KCNMB2: variants seen among roughly 807,000 people sequenced by gnomAD.
KCNMB2 encodes the protein potassium calcium-activated channel subfamily M regulatory beta subunit 2, also known as calcium-activated potassium channel subunit beta-2.
KCNMB2 carries 9 observed loss-of-function variants against 24.5 expected under a neutral mutation model. That is an observed-to-expected ratio of 0.37 (90% confidence interval 0.22 to 0.64). The LOEUF (loss-of-function observed/expected upper bound fraction) is 0.64. Ranked by LOEUF, KCNMB2 falls within the 30% of genes least tolerant of loss-of-function variation. The pLI is 0.63. For synonymous variants in KCNMB2, 109 were observed against 104.4 expected (o/e 1.04, Z -0.27); for missense variants, 226 against 284.3 (o/e 0.79, Z 1.47).
intron 1 of KCNMB2, among the ~76,000 whole-genome samples, chr3:178,681,097 G>GA (rs1442746904): frequency 6.6e-6 from 1 of 152,122 alleles, no homozygotes; most frequent in Non-Finnish European, 1.5e-5. Context: ...TAAAATCACT[G>GA]AAAAATTTTA....
rs549910394 is a variant in KCNMB2 at position 178,752,221 on chromosome 3, G to A, written c.-67-55122G>A. 5.9e-5 allele frequency among the ~76,000 whole-genome samples: 9 copies of A among 152,306 alleles called. No homozygotes were observed. The East Asian group carries it at 1.5e-3, about 26-fold the overall frequency. On this transcript the variant is annotated intron_variant, in intron 1 of 4. Transcript: ENST00000452583. ...CATAATATAAAACAAATAAGTGTCAGAAGAGAACTATAAACATAGAATTGT... is the reference window on the plus strand; with the variant it reads ...CATAATATAAAACAAATAAGTGTCAAAAGAGAACTATAAACATAGAATTGT...
At chr3:178,636,688 T>G (rs1309199531) in intron 1 of KCNMB2, among the ~76,000 whole-genome samples, 1 of 152,228 alleles carries the variant, frequency 6.6e-6, no homozygotes, top group East Asian at 1.9e-4. Flanking sequence ...TGGGACCTCT[T>G]TCCAAGAATC....
chr3:178,675,459 G>A (rs1375318329), intron 1 of KCNMB2, among the ~76,000 whole-genome samples: 2 of 152,146 alleles, frequency 1.3e-5, no homozygotes, highest in African/African-American at 2.4e-5. Flanking sequence ...CTGGATTTCT[G>A]TTAGTGTCAG....
intron 1 of KCNMB2, among the ~76,000 whole-genome samples, chr3:178,596,486 T>C (rs1031949038): frequency 9.2e-5 from 14 of 152,048 alleles, no homozygotes; most frequent in African/African-American, 3.4e-4. Context: ...AACATATAAA[T>C]CCAAAGTCTA....
At chr3:178,553,811 A>C (rs1406725882) in intron 1 of KCNMB2, among the ~76,000 whole-genome samples, 2 of 152,236 alleles carry the variant, frequency 1.3e-5, no homozygotes, top group East Asian at 3.9e-4. Flanking sequence ...AAGTGCTGGG[A>C]TTACAGGTTT....
intron 1 of KCNMB2, among the ~76,000 whole-genome samples, chr3:178,566,119 A>G (rs1185923264): frequency 6.6e-6 from 1 of 152,136 alleles, no homozygotes; most frequent in Non-Finnish European, 1.5e-5. Context: ...TCTTACATGC[A>G]TTTCTCCTAA....
At chr3:178,656,864 T>G (rs1297322141) in intron 1 of KCNMB2, among the ~76,000 whole-genome samples, 1 of 152,118 alleles carries the variant, frequency 6.6e-6, no homozygotes, top group Non-Finnish European at 1.5e-5. Flanking sequence ...TTACCACGAT[T>G]AAAACATGTG....
At chr3:178,779,338 G>A (rs1332809365) in intron 1 of KCNMB2, among the ~76,000 whole-genome samples, 1 of 152,158 alleles carries the variant, frequency 6.6e-6, no homozygotes, top group Non-Finnish European at 1.5e-5. Flanking sequence ...TTGAAGTAAG[G>A]CACTGCAAAA....
At chr3:178,780,078 A>G (rs1452531362) in intron 1 of KCNMB2, among the ~76,000 whole-genome samples, 1 of 147,430 alleles carries the variant, frequency 6.8e-6, no homozygotes, top group Non-Finnish European at 1.5e-5. Context: ...AAAAAGCACT[A>G]TGAAATTATG....
intron 1 of KCNMB2, among the ~76,000 whole-genome samples, chr3:178,714,655 CTT>C (rs1722561130): frequency 6.6e-6 from 1 of 152,190 alleles, no homozygotes; most frequent in East Asian, 1.9e-4. Context: ...TGAGAAGACT[CTT>C]TTGGGTCAAA....
intron 1 of KCNMB2, among the ~76,000 whole-genome samples, chr3:178,711,109 G>T (rs1444175625): frequency 1.3e-5 from 2 of 152,076 alleles, no homozygotes; most frequent in Non-Finnish European, 2.9e-5. Flanking sequence ...AATCACCTGA[G>T]GTAGATATTA....
At chr3:178,646,682 C>G (rs1464204572) in intron 1 of KCNMB2, among the ~76,000 whole-genome samples, 1 of 152,206 alleles carries the variant, frequency 6.6e-6, no homozygotes, top group Non-Finnish European at 1.5e-5. Flanking sequence ...GAAGCATTCT[C>G]TGGCATCAAT....
intron 1 of KCNMB2, among the ~76,000 whole-genome samples, chr3:178,617,572 A>G (rs1381424617): frequency 2.0e-5 from 3 of 150,772 alleles, no homozygotes; most frequent in Non-Finnish European, 4.4e-5. Flanking sequence ...ACAAAGGTGA[A>G]AGTATCAAAA....
At chr3:178,790,418 G>T (rs1035570255) in intron 1 of KCNMB2, among the ~76,000 whole-genome samples, 2 of 152,094 alleles carry the variant, frequency 1.3e-5, no homozygotes, top group South Asian at 2.1e-4. Flanking sequence ...TGCAGCTTGG[G>T]TACCAACTTG....
intron 1 of KCNMB2, among the ~76,000 whole-genome samples, chr3:178,800,776 A>C (rs1713742970): frequency 6.6e-6 from 1 of 152,194 alleles, no homozygotes; most frequent in Non-Finnish European, 1.5e-5. Context: ...GAAGCAACTT[A>C]AGTGTCCATC....
intron 1 of KCNMB2, among the ~76,000 whole-genome samples, chr3:178,540,774 T>G (rs1454605127): frequency 6.6e-6 from 1 of 152,222 alleles, no homozygotes; most frequent in African/African-American, 2.4e-5. Context: ...ACACTTCTTA[T>G]TCCCAGACAA....
At chr3:178,701,501 A>G (rs769629523) in intron 1 of KCNMB2, among the ~76,000 whole-genome samples, 2 of 152,000 alleles carry the variant, frequency 1.3e-5, no homozygotes, top group Non-Finnish European at 2.9e-5. Flanking sequence ...GAAGAAAGTC[A>G]TTGGTAGCTT....
intron 1 of KCNMB2, among the ~76,000 whole-genome samples, chr3:178,708,826 C>G (rs928577513): frequency 1.3e-5 from 2 of 152,066 alleles, no homozygotes; most frequent in Non-Finnish European, 2.9e-5. Context: ...AGATTTGAAC[C>G]TAAGTGTGTC....
intron 1 of KCNMB2, among the ~76,000 whole-genome samples, chr3:178,549,761 C>T (rs9837011): frequency 0.18 from 26,797 of 152,082 alleles, 2,486 homozygotes; most frequent in South Asian, 0.25. Flanking sequence ...CTCTTGTTTA[C>T]GGTCCATCTG....
Sources: allele counts gnomAD v4.1 joint callset (sites outside exome capture counted in the v4.1 genomes callset), GRCh38; gene constraint gnomAD v4.1.1; transcripts MANE v1.5; gene names NCBI Gene and HGNC (gene_info 2026-07-23, HGNC 2026-07-21).